Variants in ENTREP2 observed in about 807,000 individuals in gnomAD.
ENTREP2 encodes endosomal transmembrane epsin interactor 2, also known as protein ENTREP2.
the ENTREP2 span, chr15:29,124,613 G>T: frequency 1.5e-6 from 2 of 1,297,958 alleles, no homozygotes; most frequent in Non-Finnish European, 1.1e-6. Flanking sequence ...AAACAATGTA[G>T]CCAAGGACCC....
the ENTREP2 span, among the ~76,000 whole-genome samples, chr15:29,429,080 TATCC>T: frequency 3.3e-5 from 5 of 152,214 alleles, no homozygotes; most frequent in African/African-American, 9.6e-5. Flanking sequence ...CCTATCTGTC[TATCC>T]ATCCATCCAT....
the ENTREP2 span, among the ~76,000 whole-genome samples, chr15:29,236,874 A>AG: frequency 6.6e-6 from 1 of 152,014 alleles, no homozygotes; most frequent in African/African-American, 2.4e-5. Context: ...GATAGTTGAA[A>AG]TAAAAAAAAG....
the ENTREP2 span, among the ~76,000 whole-genome samples, chr15:29,573,002 G>A: frequency 6.6e-6 from 1 of 152,144 alleles, no homozygotes; most frequent in South Asian, 2.1e-4. Context: ...GGTTAGTGGA[G>A]ATGTCGAGAA....
At chr15:29,649,717 T>TCAA in the ENTREP2 span, among the ~76,000 whole-genome samples, 29 of 96,554 alleles carry the variant, frequency 3.0e-4, no homozygotes, top group African/African-American at 1.2e-3. Flanking sequence ...AGACTCCATC[T>TCAA]CAACAACAAC....
At chr15:29,136,304 GC>G in the ENTREP2 span, 1 of 1,432,836 alleles carries the variant, frequency 7.0e-7, no homozygotes, top group Non-Finnish European at 9.1e-7. Flanking sequence ...CCGAGGGCAG[GC>G]CGGGACGGTG....
the ENTREP2 span, among the ~76,000 whole-genome samples, chr15:29,229,824 C>T: frequency 6.6e-6 from 1 of 152,154 alleles, no homozygotes; most frequent in African/African-American, 2.4e-5. Context: ...CTCATCCACT[C>T]CCATGGTTTC....
At chr15:29,581,023 T>G in the ENTREP2 span, among the ~76,000 whole-genome samples, 1 of 152,136 alleles carries the variant, frequency 6.6e-6, no homozygotes, top group Non-Finnish European at 1.5e-5. Flanking sequence ...ATATTTCTTA[T>G]GGGCTAATTA....
chr15:29,208,699 T>C, the ENTREP2 span, among the ~76,000 whole-genome samples: 7 of 152,292 alleles, frequency 4.6e-5, no homozygotes, highest in East Asian at 1.2e-3. Context: ...CCCTACATCC[T>C]ATAACCTACA....
chr15:29,547,552 TG>T, the ENTREP2 span, among the ~76,000 whole-genome samples: 1 of 152,198 alleles, frequency 6.6e-6, no homozygotes. Context: ...CTCATCAGGA[TG>T]GCTATCATTA....
At chr15:29,354,882 T>C in the ENTREP2 span, among the ~76,000 whole-genome samples, 4 of 152,192 alleles carry the variant, frequency 2.6e-5, no homozygotes, top group African/African-American at 9.7e-5. Context: ...TCCCCTCATT[T>C]TGCTAGATTT....
At chr15:29,494,104 G>A in the ENTREP2 span, among the ~76,000 whole-genome samples, 1 of 151,720 alleles carries the variant, frequency 6.6e-6, no homozygotes, top group Non-Finnish European at 1.5e-5. Flanking sequence ...GGATCGAAAA[G>A]AGACAATATT....
the ENTREP2 span, among the ~76,000 whole-genome samples, chr15:29,222,764 C>T: frequency 6.2e-3 from 938 of 152,308 alleles, 7 homozygotes; most frequent in African/African-American, 0.021. Flanking sequence ...AGCTCCCTCA[C>T]GCTCACCCCA....
chr15:29,629,797 G>C, the ENTREP2 span, among the ~76,000 whole-genome samples: 1 of 151,790 alleles, frequency 6.6e-6, no homozygotes, highest in Non-Finnish European at 1.5e-5. Flanking sequence ...GCTATCACTT[G>C]CATTTTGTTT....
At chr15:29,145,831 G>A in the ENTREP2 span, among the ~76,000 whole-genome samples, 1 of 152,026 alleles carries the variant, frequency 6.6e-6, no homozygotes, top group African/African-American at 2.4e-5. Flanking sequence ...GGGCAATCAG[G>A]AAAGAAGACA....
the ENTREP2 span, chr15:29,126,194 G>A: frequency 4.9e-6 from 6 of 1,226,320 alleles, no homozygotes; most frequent in Non-Finnish European, 6.7e-6. Flanking sequence ...CACTCTCAGG[G>A]GTCACTGAGA....
the ENTREP2 span, among the ~76,000 whole-genome samples, chr15:29,606,470 G>T: frequency 5.3e-5 from 8 of 151,930 alleles, no homozygotes; most frequent in South Asian, 1.5e-3. Context: ...TCCTGACCTT[G>T]TGATCCACCC....
chr15:29,458,900 A>G, the ENTREP2 span, among the ~76,000 whole-genome samples: 1 of 152,086 alleles, frequency 6.6e-6, no homozygotes, highest in African/African-American at 2.4e-5. Context: ...TTTCCCTCAC[A>G]CAAAGGAGAC....
At chr15:29,644,417 A>T in the ENTREP2 span, among the ~76,000 whole-genome samples, 2 of 152,244 alleles carry the variant, frequency 1.3e-5, no homozygotes, top group African/African-American at 2.4e-5. Flanking sequence ...CCAGTATATA[A>T]ATGATATCTC....
At chr15:29,376,101 A>C in the ENTREP2 span, 1 of 152,162 alleles carries the variant, frequency 6.6e-6, no homozygotes, top group Admixed American at 6.5e-5. Context: ...AAAAAAAAAA[A>C]CTGTCCTAAA....
Sources: gnomAD v4.1 joint callset for allele counts (sites outside exome capture counted in the v4.1 genomes callset) on GRCh38, gnomAD v4.1.1 for gene constraint, MANE v1.5 for transcripts, NCBI Gene and HGNC (gene_info 2026-07-23, HGNC 2026-07-21) for gene names.